The following CAMK1D variants were observed in gnomAD, a reference collection of about 807,000 sequenced individuals.
CAMK1D encodes calcium/calmodulin-dependent protein kinase type 1D.
CAMK1D carries 9 observed loss-of-function variants against 47.7 expected under a neutral mutation model. The observed-to-expected ratio is 0.19, with a 90% CI of 0.11 to 0.33. The LOEUF (loss-of-function observed/expected upper bound fraction) is 0.33, where lower values mean the gene tolerates loss of function less well. Among genes scored for constraint, CAMK1D ranks in the 10% least tolerant of loss-of-function variants. The pLI, the probability that CAMK1D is intolerant of heterozygous loss-of-function variation, is 1.00. For missense variants in CAMK1D, 291 were observed against 488.7 expected, an observed-to-expected ratio of 0.60 and a Z score of 3.81; for synonymous variants, 184 against 184.9, an observed-to-expected ratio of 0.99 and a Z score of 0.04.
At chr10:12,568,077 C>CACCCTCCCACCTTGCCTGCCT (rs1564417290) in intron 2 of CAMK1D, among the ~76,000 whole-genome samples, 1 of 136,426 alleles carries the variant, frequency 7.3e-6, no homozygotes, top group South Asian at 2.5e-4. Context: ...TAGGCCTGCC[C>CACCCTCCCACCTTGCCTGCCT]GCCCTCCCAC....
chr10:12,609,184 G>T (rs1048757265), intron 2 of CAMK1D, among the ~76,000 whole-genome samples: 21 of 152,220 alleles, frequency 1.4e-4, no homozygotes, highest in African/African-American at 4.8e-4. Context: ...TCATGACCCA[G>T]CCTTGTCTTA....
chr10:12,619,794 G>A (rs1838935582), intron 2 of CAMK1D, among the ~76,000 whole-genome samples: 1 of 151,928 alleles, frequency 6.6e-6, no homozygotes, highest in Admixed American at 6.6e-5. Flanking sequence ...GGATACAAAA[G>A]CTTCTGGAAT....
intron 3 of CAMK1D, among the ~76,000 whole-genome samples, chr10:12,724,757 T>C (rs1210768609): frequency 2.6e-5 from 4 of 152,118 alleles, no homozygotes; most frequent in Non-Finnish European, 4.4e-5. Flanking sequence ...CAGCCTGAGT[T>C]CTGTGGGCCT....
intron 1 of CAMK1D, among the ~76,000 whole-genome samples, chr10:12,401,284 A>T (rs1240682909): frequency 2.7e-5 from 1 of 36,886 alleles, no homozygotes; most frequent in Non-Finnish European, 4.9e-5. Flanking sequence ...TATATATTTT[A>T]TATATATATA....
intron 3 of CAMK1D, among the ~76,000 whole-genome samples, chr10:12,710,504 A>C (rs1293915696): frequency 6.6e-6 from 1 of 152,226 alleles, no homozygotes; most frequent in Non-Finnish European, 1.5e-5. Context: ...CCTTCGATAC[A>C]GTCTTTTGTA....
intron 3 of CAMK1D, among the ~76,000 whole-genome samples, chr10:12,734,461 CAT>C (rs1273587587): frequency 3.0e-3 from 13 of 4,382 alleles, no homozygotes; most frequent in Middle Eastern, 0.2. Context: ...TATATATACA[CAT>C]ACACATATGT....
intron 3 of CAMK1D, among the ~76,000 whole-genome samples, chr10:12,740,109 C>T (rs1835364655): frequency 6.6e-6 from 1 of 152,206 alleles, no homozygotes; most frequent in Admixed American, 6.5e-5. Flanking sequence ...TTCTGTGAAT[C>T]TTTCTGTCTG....
In CAMK1D at chr10:12,455,456, G is replaced by A. The variant is rs969349268; in HGVS notation, c.93-97769G>A. On this transcript the variant is annotated intron_variant, in intron 1 of 10. Transcript: ENST00000619168. ...TCCAAAGTGTTGGGATTACAGGCATGAGCCACTATGTCCAGCCTGGTAATC... is the reference window on the plus strand; with the variant it reads ...TCCAAAGTGTTGGGATTACAGGCATAAGCCACTATGTCCAGCCTGGTAATC... Among the ~76,000 whole-genome samples the A allele has an allele frequency of 4.6e-5, 7 of 152,334 alleles. No homozygotes were observed. In the South Asian group the frequency reaches 1.0e-3, roughly 23 times the overall value.
chr10:12,513,583 C>T (rs137915239), intron 1 of CAMK1D, among the ~76,000 whole-genome samples: 2,337 of 152,006 alleles, frequency 0.015, 21 homozygotes, highest in Middle Eastern at 0.041. Flanking sequence ...TCCAGGAGTT[C>T]GAGACCAGCC....
chr10:12,620,514 G>A (rs1838967476), intron 2 of CAMK1D, among the ~76,000 whole-genome samples: 1 of 152,226 alleles, frequency 6.6e-6, no homozygotes, highest in South Asian at 2.1e-4. Context: ...TTTCCCTAAT[G>A]ACCAATAATG....
At chr10:12,381,678 C>T (rs189503889) in intron 1 of CAMK1D, among the ~76,000 whole-genome samples, 1 of 152,302 alleles carries the variant, frequency 6.6e-6, no homozygotes, top group East Asian at 1.9e-4. Flanking sequence ...ATTGACGATA[C>T]AGTCTGAGTT....
rs367691800 is a variant in CAMK1D, at chr10:12,506,449, G to A, written c.93-46776G>A. On this transcript the variant is annotated intron_variant, in intron 1 of 10. Coordinates refer to ENST00000619168, the MANE Select transcript of CAMK1D (RefSeq NM_153498.4). ...AGAAAAGATAATGAATTAGACCATT[G>A]TAGGGAAATGTAAGTTTCTCTACAC... Among the ~76,000 whole-genome samples, 6 of 152,258 alleles carry A rather than the reference G, an allele frequency of 3.9e-5. No homozygotes were observed. The East Asian group carries it at 7.7e-4, about 20-fold the overall frequency.
intron 1 of CAMK1D, among the ~76,000 whole-genome samples, chr10:12,405,166 CTGT>C: frequency 6.6e-6 from 1 of 152,104 alleles, no homozygotes; most frequent in South Asian, 2.1e-4. Context: ...TGTGTAGTTT[CTGT>C]TGTGTCTTTG....
intron 3 of CAMK1D, among the ~76,000 whole-genome samples, chr10:12,677,131 G>C (rs927798270): frequency 6.6e-6 from 1 of 152,164 alleles, no homozygotes; most frequent in Non-Finnish European, 1.5e-5. Context: ...GTCTTGTGCA[G>C]TAAGCTGTTT....
intron 1 of CAMK1D, among the ~76,000 whole-genome samples, chr10:12,509,256 C>T (rs1834969886): frequency 6.6e-6 from 1 of 152,218 alleles, no homozygotes; most frequent in African/African-American, 2.4e-5. Flanking sequence ...GCTTCTAATA[C>T]AGCCATTCTG....
intron 1 of CAMK1D, among the ~76,000 whole-genome samples, chr10:12,433,518 G>A (rs907678238): frequency 1.3e-5 from 2 of 152,064 alleles, no homozygotes; most frequent in African/African-American, 2.4e-5. Context: ...AAACTGGGTC[G>A]AGGAAAGCGG....
chr10:12,402,986 T>C (rs1412585851), intron 1 of CAMK1D, among the ~76,000 whole-genome samples: 1 of 151,952 alleles, frequency 6.6e-6, no homozygotes, highest in Non-Finnish European at 1.5e-5. Context: ...GAAATACGGC[T>C]CCAGGATTAT....
intron 3 of CAMK1D, among the ~76,000 whole-genome samples, chr10:12,675,695 C>A (rs191771819): frequency 9.9e-5 from 15 of 152,176 alleles, no homozygotes; most frequent in Non-Finnish European, 2.2e-4. Context: ...GATCTTATCA[C>A]GCCTTTGTTG....
chr10:12,763,877 A>G (rs1836619269), intron 4 of CAMK1D, among the ~76,000 whole-genome samples: 1 of 152,184 alleles, frequency 6.6e-6, no homozygotes, highest in African/African-American at 2.4e-5. Flanking sequence ...TAATTTTTCC[A>G]GTGAGTCCCG....
Sources: allele counts gnomAD v4.1 joint callset (sites outside exome capture counted in the v4.1 genomes callset), GRCh38; gene constraint gnomAD v4.1.1; transcripts MANE v1.5; gene names NCBI Gene and HGNC (gene_info 2026-07-23, HGNC 2026-07-21).